Variants in PAK5 observed in about 807,000 individuals in gnomAD.
PAK5 encodes the protein p21 (RAC1) activated kinase 5.
PAK5 carries 16 observed loss-of-function variants against 65.9 expected under a neutral mutation model. That is an observed-to-expected ratio of 0.24 (90% CI 0.16 to 0.37). The LOEUF (loss-of-function observed/expected upper bound fraction) is 0.37, where lower values mean the gene tolerates loss of function less well. PAK5 is among the 10% of genes least tolerant of loss of function. The probability of loss-of-function intolerance (pLI) is 1.00; values close to 1 mark genes in which losing one functional copy is unlikely to be tolerated. For missense variants in PAK5, 785 were observed against 903.9 expected (o/e 0.87, Z 1.69); for synonymous variants, 371 against 354.9 (o/e 1.05, Z -0.51).
At chr20:9,765,355 A>G (rs1378791121) in intron 1 of PAK5, among the ~76,000 whole-genome samples, 1 of 152,172 alleles carries the variant, frequency 6.6e-6, no homozygotes, top group Non-Finnish European at 1.5e-5. Flanking sequence ...ATAGTAGTTT[A>G]TTAATTTATT....
intron 3 of PAK5, among the ~76,000 whole-genome samples, chr20:9,589,585 G>A (rs1490326593): frequency 3.9e-5 from 6 of 152,188 alleles, no homozygotes; most frequent in Non-Finnish European, 7.3e-5. Context: ...GGAGGTAGTG[G>A]TAAGGGATTC....
At chr20:9,558,885 GT>G (rs2045552020) in intron 6 of PAK5, among the ~76,000 whole-genome samples, 1 of 152,212 alleles carries the variant, frequency 6.6e-6, no homozygotes, top group South Asian at 2.1e-4. Context: ...CTTCTCCACA[GT>G]TTTAGAGGGG....
intron 2 of PAK5, among the ~76,000 whole-genome samples, chr20:9,648,444 G>A (rs1467600396): frequency 6.6e-6 from 1 of 151,840 alleles, no homozygotes; most frequent in Non-Finnish European, 1.5e-5. Context: ...TAAATTCCAG[G>A]AGGAAAACAG....
At chr20:9,835,050 C>A (rs1979032492) in intron 1 of PAK5, among the ~76,000 whole-genome samples, 1 of 152,118 alleles carries the variant, frequency 6.6e-6, no homozygotes, top group Non-Finnish European at 1.5e-5. Flanking sequence ...GAATACTCTC[C>A]TTTTGAAGTC....
intron 2 of PAK5, among the ~76,000 whole-genome samples, chr20:9,706,159 G>A (rs1189120366): frequency 2.6e-5 from 4 of 152,220 alleles, no homozygotes; most frequent in Non-Finnish European, 5.9e-5. Context: ...AACATCAGCA[G>A]TCTTCACAGA....
At chr20:9,552,053 C>T (rs6039498) in intron 7 of PAK5, among the ~76,000 whole-genome samples, 29,343 of 152,164 alleles carry the variant, frequency 0.19, 3,757 homozygotes, top group African/African-American at 0.37. Flanking sequence ...CCTTATACCA[C>T]TTCCCTTATC....
In PAK5 at chr20:9,595,680, T is replaced by A. The variant is rs7271333; in HGVS notation, c.205-14750A>T. ...AAAAACATAAAATCCAGGGGTTCTTTAACAAGAAACATAAAATCCAGGGGT... is the reference window on the plus strand; with the variant it reads ...AAAAACATAAAATCCAGGGGTTCTTAAACAAGAAACATAAAATCCAGGGGT... On this transcript the variant is annotated intron_variant, in intron 3 of 9. Coordinates refer to ENST00000353224, the MANE Select transcript of PAK5 (RefSeq NM_177990.4). Among the ~76,000 whole-genome samples, 1,500 of 152,316 alleles carry A rather than the reference T, an allele frequency of 9.8e-3. 12 individuals are homozygous for A. Among genetic ancestry groups the A allele is most frequent in the Middle Eastern group, 0.017 (5 of 294 alleles).
chr20:9,756,699 T>C (rs1482654667), intron 1 of PAK5, among the ~76,000 whole-genome samples: 4 of 152,174 alleles, frequency 2.6e-5, no homozygotes, highest in Admixed American at 2.0e-4. Flanking sequence ...TTTTACATCG[T>C]AATTGGCTCC....
chr20:9,832,597 C>T (rs1398983381), intron 1 of PAK5, among the ~76,000 whole-genome samples: 5 of 152,226 alleles, frequency 3.3e-5, no homozygotes, highest in Non-Finnish European at 7.4e-5. Flanking sequence ...TATTTTTAAA[C>T]TTCTCTGTAG....
chr20:9,768,181 C>T (rs17411374), intron 1 of PAK5, among the ~76,000 whole-genome samples: 22,823 of 150,838 alleles, frequency 0.15, 1,980 homozygotes, highest in Middle Eastern at 0.3. Flanking sequence ...TTAAGTTATA[C>T]CAGGGTCTTC....
At chr20:9,736,501 T>A (rs2048390845) in intron 1 of PAK5, among the ~76,000 whole-genome samples, 1 of 152,184 alleles carries the variant, frequency 6.6e-6, no homozygotes, top group Non-Finnish European at 1.5e-5. Flanking sequence ...TAATAGTTCA[T>A]GAACTAAGTG....
At chr20:9,791,657 T>C (rs1195721951) in intron 1 of PAK5, among the ~76,000 whole-genome samples, 2 of 152,136 alleles carry the variant, frequency 1.3e-5, no homozygotes, top group East Asian at 1.9e-4. Flanking sequence ...CCAATCCTTT[T>C]AGAAAATATA....
chr20:9,726,309 A>G (rs542307273), intron 1 of PAK5, among the ~76,000 whole-genome samples: 159 of 152,282 alleles, frequency 1.0e-3, no homozygotes, highest in African/African-American at 3.5e-3. Context: ...TTTCTTGAAT[A>G]TGATTGCTCA....
chr20:9,542,854 A>G, intron 8 of PAK5, 134 bp from the exon 9 acceptor site: 2 of 804,888 alleles, frequency 2.5e-6, no homozygotes, highest in Non-Finnish European at 3.9e-6. Flanking sequence ...ATATAGATTT[A>G]TAGGCTAAAC....
intron 2 of PAK5, among the ~76,000 whole-genome samples, chr20:9,656,681 G>T (rs551898777): frequency 6.6e-6 from 1 of 152,234 alleles, no homozygotes; most frequent in Admixed American, 6.5e-5. Context: ...TTATGCCTCA[G>T]CTTTTCAATA....
At position 9,538,959 on chromosome 20, in the gene PAK5, T is replaced by C. The variant is rs1256486668; in HGVS notation, c.*503A>G. On this transcript the variant is annotated 3_prime_UTR_variant, in exon 10 of 10. Transcript: ENST00000353224. ...AGTAAACAAGTATTACTTCAACTGA[T>C]ACAATGGCTACATGACATCAAAGTA... The C allele has an allele frequency of 4.3e-6, 1 of 233,294 alleles. No homozygotes were observed. The highest frequency in any genetic ancestry group is 8.5e-6 in the Non-Finnish European group (1 of 117,968). The allele number at this position is 233,294 out of a possible 1,614,324, so 14.5% of individuals were successfully genotyped here. A position where few individuals can be genotyped will look rare whatever the true frequency, so the allele number is the denominator to read the frequency against.
intron 1 of PAK5, among the ~76,000 whole-genome samples, chr20:9,795,727 G>T (rs1380571276): frequency 6.6e-6 from 1 of 151,970 alleles, no homozygotes; most frequent in Non-Finnish European, 1.5e-5. Context: ...CAATAGTTCA[G>T]AAAGAGTAAA....
chr20:9,779,781 A>G (rs751930569), intron 1 of PAK5, among the ~76,000 whole-genome samples: 21 of 152,104 alleles, frequency 1.4e-4, no homozygotes, highest in Non-Finnish European at 2.8e-4. Context: ...AAGATTTTCT[A>G]CTAAAGGCCC....
At chr20:9,580,996 C>G (rs112377384) in intron 3 of PAK5, 66 bp from the exon 4 acceptor site, 2 of 1,136,228 alleles carry the variant, frequency 1.8e-6, no homozygotes, top group African/African-American at 3.1e-5. Context: ...ATGGTGGCAT[C>G]CCACCCCCAC....
Sources: allele counts gnomAD v4.1 joint callset (sites outside exome capture counted in the v4.1 genomes callset), GRCh38; gene constraint gnomAD v4.1.1; transcripts MANE v1.5; gene names NCBI Gene and HGNC (gene_info 2026-07-23, HGNC 2026-07-21).